Variants in RGS7 observed in about 807,000 individuals in gnomAD.
The protein encoded by RGS7 is regulator of G protein signaling 7.
Under a neutral mutation model 81.1 loss-of-function variants are expected in RGS7, and 27 were observed. That is an observed-to-expected ratio of 0.33 (90% CI 0.25 to 0.46). The LOEUF (loss-of-function observed/expected upper bound fraction) is 0.46. Among genes scored for constraint, RGS7 ranks in the 20% least tolerant of loss-of-function variants. RGS7 has a pLI of 1.00. For synonymous variants in RGS7, 208 were observed against 207.7 expected, an observed-to-expected ratio of 1.00 and a Z score of -0.01; for missense variants, 396 against 607.4, an observed-to-expected ratio of 0.65 and a Z score of 3.66.
At chr1:240,871,969 C>A (rs572140850) in intron 6 of RGS7, among the ~76,000 whole-genome samples, 1 of 152,232 alleles carries the variant, frequency 6.6e-6, no homozygotes, top group Non-Finnish European at 1.5e-5. Flanking sequence ...AAAATCAGCT[C>A]CCTTTGGGGA....
intron 2 of RGS7, among the ~76,000 whole-genome samples, chr1:241,261,858 C>T (rs995435219): frequency 4.6e-5 from 7 of 151,838 alleles, no homozygotes; most frequent in African/African-American, 1.5e-4. Context: ...TGTATTTCCC[C>T]GGATTTTTTA....
chr1:240,777,852 C>T (rs1031375243), intron 18 of RGS7, among the ~76,000 whole-genome samples: 10 of 151,152 alleles, frequency 6.6e-5, no homozygotes, highest in Non-Finnish European at 1.5e-4. Flanking sequence ...AATACCATCA[C>T]CTTCATGATC....
At chr1:241,107,440 A>C (rs950587176) in intron 2 of RGS7, among the ~76,000 whole-genome samples, 25 of 152,308 alleles carry the variant, frequency 1.6e-4, no homozygotes, top group East Asian at 7.7e-4. Context: ...GAAAGGCTGA[A>C]AGGTGCCATA....
intron 6 of RGS7, among the ~76,000 whole-genome samples, chr1:240,895,285 T>G (rs936165283): frequency 6.9e-5 from 8 of 115,982 alleles, no homozygotes; most frequent in African/African-American, 2.4e-4. Context: ...TCTTTCTTTC[T>G]TTTTTCTTTC....
intron 10 of RGS7, among the ~76,000 whole-genome samples, chr1:240,817,928 C>T (rs1358245687): frequency 6.6e-6 from 1 of 152,090 alleles, no homozygotes; most frequent in East Asian, 1.9e-4. Flanking sequence ...GTGCTCTTAT[C>T]CTTTCTTTAT....
At chr1:240,852,957 C>T (rs563130893) in intron 9 of RGS7, among the ~76,000 whole-genome samples, 1 of 151,994 alleles carries the variant, frequency 6.6e-6, no homozygotes, top group East Asian at 1.9e-4. Context: ...CTGTGATTAC[C>T]CTTGTCAGTG....
At chr1:240,944,282 G>GTGTGTGTGTATATATA (rs1352421845) in intron 4 of RGS7, among the ~76,000 whole-genome samples, 1 of 55,820 alleles carries the variant, frequency 1.8e-5, no homozygotes, top group Non-Finnish European at 3.1e-5. Context: ...GTGTGTGTGT[G>GTGTGTGTGTATATATA]TATATATATA....
intron 2 of RGS7, among the ~76,000 whole-genome samples, chr1:241,218,917 G>A (rs1464059426): frequency 6.6e-6 from 1 of 152,062 alleles, no homozygotes; most frequent in Non-Finnish European, 1.5e-5. Context: ...GGATGCTGCT[G>A]CTGCTGGACT....
chr1:240,942,441 A>G (rs1216526236), intron 4 of RGS7, among the ~76,000 whole-genome samples: 1 of 152,224 alleles, frequency 6.6e-6, no homozygotes, highest in Non-Finnish European at 1.5e-5. Context: ...TTTTGCAACG[A>G]TTAATAAAAT....
At chr1:240,964,752 T>G (rs1682014986) in intron 4 of RGS7, among the ~76,000 whole-genome samples, 1 of 152,202 alleles carries the variant, frequency 6.6e-6, no homozygotes, top group Non-Finnish European at 1.5e-5. Context: ...GCAGAGATTT[T>G]TTACCTTGTG....
chr1:240,852,014 G>A (rs370434811), intron 9 of RGS7, among the ~76,000 whole-genome samples: 18 of 152,292 alleles, frequency 1.2e-4, no homozygotes, highest in Admixed American at 5.2e-4. Context: ...TTGATAAAAC[G>A]AGGACAGGGT....
rs771916811 is a variant in RGS7, at chr1:241,058,543, C to T, written c.175+40123G>A. 4.3e-4 allele frequency among the ~76,000 whole-genome samples: 66 copies of T among 152,242 alleles called. 1 individual carries two copies. Among genetic ancestry groups the T allele is most frequent in the Non-Finnish European group, 8.4e-4 (57 of 68,014 alleles). On this transcript the variant is annotated intron_variant, in intron 3 of 18. Transcript: ENST00000440928. ...GGAAGAATCGAGGTTGCTGAAAACC[C>T]GTAAGGATTCACAGCCGGTAACTTG...
chr1:240,903,649 C>T (rs1670366696), intron 6 of RGS7, among the ~76,000 whole-genome samples: 1 of 152,120 alleles, frequency 6.6e-6, no homozygotes, highest in Non-Finnish European at 1.5e-5. Flanking sequence ...GGATATCTGA[C>T]CCCTCCAAGC....
intron 18 of RGS7, among the ~76,000 whole-genome samples, chr1:240,779,370 G>A (rs1273511729): frequency 4.6e-5 from 7 of 152,010 alleles, no homozygotes; most frequent in Non-Finnish European, 8.8e-5. Flanking sequence ...GGCCAGCCTG[G>A]TCCCAAACTC....
At chr1:240,791,436 T>C (rs1319589109) in intron 18 of RGS7, among the ~76,000 whole-genome samples, 1 of 152,254 alleles carries the variant, frequency 6.6e-6, no homozygotes, top group Non-Finnish European at 1.5e-5. Context: ...TCCATGCTTA[T>C]AGATGGATGC....
At chr1:240,984,711 TG>T (rs1558558658) in intron 3 of RGS7, among the ~76,000 whole-genome samples, 1 of 152,182 alleles carries the variant, frequency 6.6e-6, no homozygotes, top group Non-Finnish European at 1.5e-5. Context: ...CAGCCTCTCC[TG>T]GAGGCTGGCT....
chr1:241,165,306 C>T (rs887197734), intron 2 of RGS7, among the ~76,000 whole-genome samples: 3 of 152,138 alleles, frequency 2.0e-5, no homozygotes, highest in African/African-American at 7.2e-5. Context: ...AGGGGTCGAG[C>T]ACACAATATT....
chr1:240,786,291 C>A (rs1450691438), intron 18 of RGS7, among the ~76,000 whole-genome samples: 2 of 152,056 alleles, frequency 1.3e-5, no homozygotes, highest in Non-Finnish European at 2.9e-5. Context: ...ATTTTTTTTA[C>A]AAAACTGAAA....
chr1:240,823,102 G>C, intron 10 of RGS7: 1 of 982,998 alleles, frequency 1.0e-6, no homozygotes, highest in Non-Finnish European at 1.6e-6. Flanking sequence ...TGAGTCTAAA[G>C]AATCAAAGTT....
Sources: gnomAD v4.1 joint callset for allele counts (sites outside exome capture counted in the v4.1 genomes callset) on GRCh38, gnomAD v4.1.1 for gene constraint, MANE v1.5 for transcripts, NCBI Gene and HGNC (gene_info 2026-07-23, HGNC 2026-07-21) for gene names.